Variants in ANKLE2 observed in about 807,000 individuals in gnomAD.
The protein encoded by ANKLE2 is ankyrin repeat and LEM domain-containing protein 2.
In ANKLE2, 55 loss-of-function variants were observed where a neutral mutation model predicts 84.2. The observed-to-expected ratio is 0.65, with a 90% CI of 0.53 to 0.82. The LOEUF (loss-of-function observed/expected upper bound fraction) is 0.82, where lower values mean the gene tolerates loss of function less well. Ranked by LOEUF, ANKLE2 falls within the 40% of genes least tolerant of loss-of-function variation. The probability of loss-of-function intolerance (pLI) is 0.00; values close to 1 mark genes in which losing one functional copy is unlikely to be tolerated. For synonymous variants in ANKLE2, 551 were observed against 486.1 expected (o/e 1.13, Z -1.76); for missense variants, 1,238 against 1,201.9 (o/e 1.03, Z -0.44).
Position 132,729,973 on chromosome 12 carries a change from G to A in ANKLE2, c.2189C>T (p.Ser730Leu), listed in dbSNP as rs201957832. The change falls in exon 11 of 13, where the codon TCG becomes TTG. Residue 730 changes from serine (S) to leucine (L), a missense_variant. Physicochemically the swap from Ser to Leu is moderately radical, Grantham distance 145 (BLOSUM62 -2). Coordinates refer to ENST00000357997, the MANE Select transcript of ANKLE2 (RefSeq NM_015114.3). ...RGEEAHLPPV[S>L]DLTVEFDKLN... ...TTTATCAAACTCAACAGTCAAATCC[G>A]AGACAGGTGGCAGATGGGCTTCCTC... is the stretch of plus-strand genomic sequence containing the variant. 227 of 1,613,408 alleles carry A rather than the reference G, an allele frequency of 1.4e-4. 3 individuals are homozygous for A. In the East Asian group the frequency reaches 3.1e-3, roughly 22 times the overall value.
rs1242068778 is a variant in ANKLE2, at chr12:132,761,702, G to A, written c.97C>T (p.Arg33Trp). 2.2e-6 allele frequency: 3 copies of A among 1,349,370 alleles called. No homozygotes were observed. The highest frequency in any genetic ancestry group is 2.7e-5 in the Admixed American group (1 of 37,242). 83.6% of individuals were successfully genotyped at this position (1,349,370 alleles called of 1,614,324 possible). Residue 33 changes from arginine (R) to tryptophan (W), a missense_variant, in exon 1 of 13, where the codon CGG (arginine) becomes TGG (tryptophan). Physicochemically the swap from Arg to Trp is moderately radical, Grantham distance 101. Transcript: ENST00000357997. Reference sequence around the variant, plus strand: ...CCTCCCGGCCGCGGGCCCAGCCGCCGCACCAGCCACCGCACAGCGATCAGC... The same window carrying A: ...CCTCCCGGCCGCGGGCCCAGCCGCCACACCAGCCACCGCACAGCGATCAGC... ...VLLIAVRWLV[R>W]RLGPRPGGLG...
chr12:132,750,799 T>C lies in ANKLE2; in HGVS notation c.691A>G (p.Met231Val), dbSNP rs753196325. The change falls in exon 3 of 13, where the codon ATG becomes GTG. Residue 231 changes from methionine to valine, a missense_variant. By Grantham distance (21) the Met-to-Val change is conservative. Coordinates refer to ENST00000357997, the MANE Select transcript of ANKLE2 (RefSeq NM_015114.3). ...GCTTTAAATCGGGACCCTTTGATCA[T>C]CTTGACAGCTTGCAATGCTTCCTTT... Reference protein sequence around the residue: ...NKKEALQAVKMIKGSRFKAFS... With the variant: ...NKKEALQAVKVIKGSRFKAFS... 1 of 1,614,194 alleles carries C rather than the reference T, an allele frequency of 6.2e-7. No homozygotes were observed. Among genetic ancestry groups the C allele is most frequent in the Admixed American group, 1.7e-5 (1 of 60,022 alleles).
chr12:132,735,608 C>T (rs2043993025), intron 8 of ANKLE2, 96 bp from the exon 9 acceptor site: 1 of 891,852 alleles, frequency 1.1e-6, no homozygotes, highest in Non-Finnish European at 1.8e-6. Flanking sequence ...AGCTGCCTGT[C>T]TCCGCACACC....
At chr12:132,746,105 C>G (rs1353347038) in intron 5 of ANKLE2, among the ~76,000 whole-genome samples, 1 of 152,252 alleles carries the variant, frequency 6.6e-6, no homozygotes, top group East Asian at 1.9e-4. Flanking sequence ...TCCCAGCACT[C>G]TGGGAGGCCA....
chr12:132,748,766 A>G (rs3924363), intron 3 of ANKLE2: 87,452 of 199,504 alleles, frequency 0.44, 19,824 homozygotes, highest in African/African-American at 0.51. Flanking sequence ...GCACGAATAT[A>G]GCTCACTGCA....
intron 7 of ANKLE2, 87 bp from the exon 8 acceptor site, chr12:132,737,152 C>A: frequency 7.0e-7 from 1 of 1,420,596 alleles, no homozygotes; most frequent in Non-Finnish European, 9.4e-7. Context: ...CACGCGAGCC[C>A]TTGCCAAGGC....
chr12:132,727,609 A>T (rs2043733488), intron 12 of ANKLE2, among the ~76,000 whole-genome samples, 166 bp from the exon 13 acceptor site: 1 of 148,400 alleles, frequency 6.7e-6, no homozygotes, highest in African/African-American at 2.5e-5. Context: ...GAAGAGACGC[A>T]CTGCTGAACC....
At chr12:132,733,688 T>G (rs530944900) in intron 10 of ANKLE2, among the ~76,000 whole-genome samples, 4 of 147,538 alleles carry the variant, frequency 2.7e-5, no homozygotes, top group Non-Finnish European at 6.0e-5. Context: ...TGGTGTCTGA[T>G]ATGCACTGTG....
chr12:132,739,806 G>A (rs117902678), intron 7 of ANKLE2, among the ~76,000 whole-genome samples: 4 of 152,326 alleles, frequency 2.6e-5, no homozygotes, highest in Admixed American at 6.5e-5. Flanking sequence ...AGGCCCCAGC[G>A]TGACCACAGA....
At position 132,740,726 on chromosome 12, in the gene ANKLE2, C is replaced by T. The variant is rs2044102843; in HGVS notation, c.1420+693G>A. 2.0e-5 allele frequency among the ~76,000 whole-genome samples: 3 copies of T among 152,194 alleles called. 1 individual carries two copies. The highest frequency in any genetic ancestry group is 4.2e-4 in the South Asian group (2 of 4,812). On this transcript the variant is annotated intron_variant, in intron 7 of 12. Transcript: ENST00000357997. ...GGGAAAAGCCATCCCTGAAACCAGC[C>T]GTTTTCACATGCCTGGCACCTACAA...
At chr12:132,746,923 G>A (rs1352642665) in intron 5 of ANKLE2, among the ~76,000 whole-genome samples, 2 of 152,134 alleles carry the variant, frequency 1.3e-5, no homozygotes, top group Non-Finnish European at 2.9e-5. Context: ...TCCCTACTCT[G>A]CCCTGAAGGA....
At chr12:132,730,892 G>C (rs1010402374) in intron 10 of ANKLE2, 1 of 152,378 alleles carries the variant, frequency 6.6e-6, no homozygotes. Flanking sequence ...GGGCAGCCCA[G>C]GTGATGGGCG....
At chr12:132,734,180 G>A in intron 10 of ANKLE2, 1 of 614,358 alleles carries the variant, frequency 1.6e-6, no homozygotes, top group Admixed American at 2.7e-5. Context: ...AGGAGGTGGA[G>A]GTTGCAGTGA....
chr12:132,750,261 C>A (rs891333953), intron 3 of ANKLE2, among the ~76,000 whole-genome samples: 2 of 151,068 alleles, frequency 1.3e-5, no homozygotes, highest in Non-Finnish European at 3.0e-5. Context: ...GTGGTGCACG[C>A]CTATTTCTCA....
At chr12:132,755,766 G>T (rs1265470340) in intron 1 of ANKLE2, 1 of 151,740 alleles carries the variant, frequency 6.6e-6, no homozygotes, top group Non-Finnish European at 1.5e-5. Flanking sequence ...TCACCATGTT[G>T]GCCAGGTTGG....
rs1000297366 is a variant in ANKLE2, at chr12:132,729,737, T to C, written c.2425A>G (p.Arg809Gly). The C allele has an allele frequency of 1.9e-6, 3 of 1,610,612 alleles. No individual in the cohort carries two copies. The highest frequency in any genetic ancestry group is 1.3e-5 in the African/African-American group (1 of 74,174). Reference sequence around the variant, plus strand: ...GTGACCTCGAGCTGATCCTCGTGCCTGGGGCTGCTGGGACTCAAGGACATT... The same window carrying C: ...GTGACCTCGAGCTGATCCTCGTGCCCGGGGCTGCTGGGACTCAAGGACATT... The part of the protein sequence containing the change: ...AKMSLSPSSP[R>G]HEDQLEVTRE... Residue 809 changes from arginine (R) to glycine (G), a missense_variant, in exon 11 of 13, where the codon AGG (arginine) becomes GGG (glycine). Transcript: ENST00000357997.
Position 132,725,917 on chromosome 12 carries a change from T to G in ANKLE2, c.*1325A>C, listed in dbSNP as rs1360749734. The G allele has an allele frequency of 3.3e-5, 5 of 152,228 alleles. No homozygotes were observed. The highest frequency in any genetic ancestry group is 1.2e-4 in the African/African-American group (5 of 41,450). 9.4% of individuals were successfully genotyped at this position (152,228 alleles called of 1,614,324 possible). A position where few individuals can be genotyped will look rare whatever the true frequency, so the allele number is the denominator to read the frequency against. ...AAATCGAATTTTAACATTTAAATCT[T>G]GATTCCAATATTCCTGACCTATCTC... On this transcript the variant is annotated 3_prime_UTR_variant, in exon 13 of 13. Coordinates refer to ENST00000357997, the MANE Select transcript of ANKLE2 (RefSeq NM_015114.3).
At chr12:132,757,999 A>G (rs1216976620) in intron 1 of ANKLE2, 2 of 152,146 alleles carry the variant, frequency 1.3e-5, no homozygotes, top group Non-Finnish European at 2.9e-5. Context: ...AAAAAAAAAA[A>G]AAGAACAGCC....
In ANKLE2 at chr12:132,737,077, G is replaced by T; in HGVS notation, c.1421-12C>A. 6.3e-7 allele frequency: 1 copy of T among 1,581,256 alleles called. No homozygotes were observed. ...CACGTAGTAGTGGCCTGAGGGAGGA[G>T]ACAGGCACTGGCTGCAGGCTTCCGC... On this transcript the variant is annotated splice_polypyrimidine_tract_variant and intron_variant, in intron 7 of 12. Coordinates refer to ENST00000357997, the MANE Select transcript of ANKLE2 (RefSeq NM_015114.3).
Sources: allele counts gnomAD v4.1 joint callset (sites outside exome capture counted in the v4.1 genomes callset), GRCh38; gene constraint gnomAD v4.1.1; transcripts MANE v1.5; gene names NCBI Gene and HGNC (gene_info 2026-07-23, HGNC 2026-07-21).